ATG7: variants seen among roughly 807,000 people sequenced by gnomAD.
The protein encoded by ATG7 is autophagy related 7.
Under a neutral mutation model 82.4 loss-of-function variants are expected in ATG7, and 70 were observed. The observed-to-expected ratio is 0.85, with a 90% CI of 0.70 to 1.04. The LOEUF is 1.04. ATG7 is among the 50% of genes least tolerant of loss of function. The probability of loss-of-function intolerance (pLI) is 0.00; values close to 1 mark genes in which losing one functional copy is unlikely to be tolerated. For missense variants in ATG7, 792 were observed against 864.3 expected, an observed-to-expected ratio of 0.92 and a Z score of 1.05; for synonymous variants, 287 against 313.0, an observed-to-expected ratio of 0.92 and a Z score of 0.88.
At chr3:11,332,645 A>AT (rs931693527) in intron 10 of ATG7, 26 of 162,674 alleles carry the variant, frequency 1.6e-4, no homozygotes, top group African/African-American at 6.2e-4. Flanking sequence ...GTCCTAGAGG[A>AT]TTTTTTCTAA....
intron 20 of ATG7, among the ~76,000 whole-genome samples, chr3:11,522,320 G>T (rs1433281731): frequency 6.6e-6 from 1 of 152,156 alleles, no homozygotes; most frequent in Non-Finnish European, 1.5e-5. Flanking sequence ...CCCTGAAGCT[G>T]GGGAGAATCA....
intron 20 of ATG7, among the ~76,000 whole-genome samples, chr3:11,488,030 C>T (rs1365952190): frequency 1.5e-4 from 1 of 6,662 alleles, no homozygotes. Context: ...AGAGGTGCTC[C>T]CCACATCTCA....
chr3:11,497,369 A>G (rs1233038194), intron 20 of ATG7, among the ~76,000 whole-genome samples: 27 of 66,516 alleles, frequency 4.1e-4, no homozygotes, highest in African/African-American at 1.6e-3. Context: ...ATATATATAT[A>G]TATATATATA....
At chr3:11,542,384 G>A (rs1277376673) in intron 20 of ATG7, among the ~76,000 whole-genome samples, 2 of 152,234 alleles carry the variant, frequency 1.3e-5, no homozygotes, top group Admixed American at 6.5e-5. Context: ...TGTCGCTGTG[G>A]GCTGGGAATT....
chr3:11,505,222 G>A (rs2091627078), intron 20 of ATG7, among the ~76,000 whole-genome samples: 1 of 152,140 alleles, frequency 6.6e-6, no homozygotes. Flanking sequence ...TATGAGAATG[G>A]GCAGACTGGG....
chr3:11,391,904 C>T (rs908812085), intron 19 of ATG7, among the ~76,000 whole-genome samples: 1 of 146,784 alleles, frequency 6.8e-6, no homozygotes, highest in Non-Finnish European at 1.5e-5. Context: ...TATTAATCAT[C>T]TCTCAGACAG....
intron 13 of ATG7, among the ~76,000 whole-genome samples, chr3:11,346,853 T>G (rs1954627614): frequency 6.6e-6 from 1 of 152,240 alleles, no homozygotes; most frequent in South Asian, 2.1e-4. Context: ...CAGTCTAACC[T>G]ATGCTTATGA....
At chr3:11,463,806 C>T (rs970981349) in intron 20 of ATG7, among the ~76,000 whole-genome samples, 2 of 152,190 alleles carry the variant, frequency 1.3e-5, no homozygotes, top group South Asian at 2.1e-4. Flanking sequence ...CCCTGGACTT[C>T]TCACACCCCA....
At chr3:11,424,603 A>G (rs567872319) in intron 19 of ATG7, among the ~76,000 whole-genome samples, 1 of 107,752 alleles carries the variant, frequency 9.3e-6, no homozygotes, top group South Asian at 2.9e-4. Context: ...ATTTTAATAA[A>G]TATTAATTTT....
At chr3:11,372,833 T>TCTGC (rs2077111573) in intron 18 of ATG7, among the ~76,000 whole-genome samples, 1 of 122,870 alleles carries the variant, frequency 8.1e-6, no homozygotes. Flanking sequence ...TGTGCGTGTG[T>TCTGC]GTGCGTGCGT....
chr3:11,484,527 A>T (rs920703090), intron 20 of ATG7, among the ~76,000 whole-genome samples: 4 of 152,344 alleles, frequency 2.6e-5, no homozygotes, highest in Non-Finnish European at 5.9e-5. Flanking sequence ...ATTCTTGGTG[A>T]TCCAGGATAT....
chr3:11,489,326 T>C (rs1015002491), intron 20 of ATG7, among the ~76,000 whole-genome samples: 1 of 152,198 alleles, frequency 6.6e-6, no homozygotes, highest in African/African-American at 2.4e-5. Context: ...GGTGGTGATA[T>C]CCCCTTTATC....
At chr3:11,375,438 T>G (rs2077344535) in intron 18 of ATG7, among the ~76,000 whole-genome samples, 1 of 152,202 alleles carries the variant, frequency 6.6e-6, no homozygotes, top group Non-Finnish European at 1.5e-5. Flanking sequence ...GAAATGCAAG[T>G]CACAACCATA....
intron 3 of ATG7, among the ~76,000 whole-genome samples, chr3:11,284,325 T>C (rs1300252008): frequency 1.3e-5 from 2 of 152,356 alleles, no homozygotes; most frequent in South Asian, 4.1e-4. Flanking sequence ...CAATTAATTC[T>C]ATAAGCAGCC....
chr3:11,475,654 G>C (rs2088077109), intron 20 of ATG7, among the ~76,000 whole-genome samples: 1 of 152,108 alleles, frequency 6.6e-6, no homozygotes, highest in South Asian at 2.1e-4. Context: ...AGCAGAACAT[G>C]GCAAGCTCCT....
chr3:11,334,883 G>T, intron 11 of ATG7, among the ~76,000 whole-genome samples: 1 of 151,108 alleles, frequency 6.6e-6, no homozygotes. Context: ...CTTGAACCTG[G>T]GAGGTGGAGG....
chr3:11,549,021 A>G (rs542074364), intron 20 of ATG7, among the ~76,000 whole-genome samples: 4 of 151,822 alleles, frequency 2.6e-5, no homozygotes, highest in South Asian at 2.1e-4. Context: ...AACAGAACAT[A>G]TTGTGAAGCA....
In ATG7 at chr3:11,555,196, G is replaced by A. The variant is rs2072288161; in HGVS notation, c.*353G>A. The A allele has an allele frequency of 1.2e-5, 3 of 260,508 alleles. No homozygotes were observed. Among genetic ancestry groups the A allele is most frequent in the Non-Finnish European group, 2.2e-5 (3 of 138,140 alleles). The allele number at this position is 260,508 out of a possible 1,614,324, so 16.1% of individuals were successfully genotyped here. A position where few individuals can be genotyped will look rare whatever the true frequency, so the allele number is the denominator to read the frequency against. On this transcript the variant is annotated 3_prime_UTR_variant, in exon 21 of 21. Coordinates refer to ENST00000693202, the MANE Select transcript of ATG7 (RefSeq NM_001349232.2). ...CCCAACACAGACCAAATGGGGAAAT[G>A]AGCAACCAGCTCCTGCCCAGAGCCA...
chr3:11,543,298 G>A (rs886253905), intron 20 of ATG7, among the ~76,000 whole-genome samples: 3 of 152,208 alleles, frequency 2.0e-5, no homozygotes, highest in South Asian at 2.1e-4. Context: ...GGCAGTGCAC[G>A]TGCTCTCTGG....
Sources: gnomAD v4.1 joint callset for allele counts (sites outside exome capture counted in the v4.1 genomes callset) on GRCh38, gnomAD v4.1.1 for gene constraint, MANE v1.5 for transcripts, NCBI Gene and HGNC (gene_info 2026-07-23, HGNC 2026-07-21) for gene names.